NKAIN3: variants seen among roughly 807,000 people sequenced by gnomAD.
The protein encoded by NKAIN3 is sodium/potassium-transporting ATPase subunit beta-1-interacting protein 3.
NKAIN3 carries 25 observed loss-of-function variants against 30.2 expected under a neutral mutation model. The ratio of observed to expected loss-of-function variants is 0.83; its 90% CI spans 0.60 to 1.16. The LOEUF (loss-of-function observed/expected upper bound fraction) is 1.16, where lower values mean the gene tolerates loss of function less well. NKAIN3 is among the 50% of genes most tolerant of loss of function. The pLI, the probability that NKAIN3 is intolerant of heterozygous loss-of-function variation, is 0.00. For missense variants in NKAIN3, 225 were observed against 254.1 expected, an observed-to-expected ratio of 0.89 and a Z score of 0.78; for synonymous variants, 91 against 89.6, an observed-to-expected ratio of 1.02 and a Z score of -0.09.
intron 6 of NKAIN3, among the ~76,000 whole-genome samples, chr8:62,959,433 G>GGGGT (rs1554596787): frequency 3.3e-4 from 47 of 143,244 alleles, no homozygotes; most frequent in African/African-American, 1.2e-3. Context: ...GACAAATCAG[G>GGGGT]GTGTGTGTGT....
chr8:62,605,473 C>G lies in NKAIN3; in HGVS notation c.273+15679C>G, dbSNP rs183805668. ...TCTAGTATTTACTCGGTTCAAAGCA[C>G]TATACCAGGAACTAGGGCTACATTC... On this transcript the variant is annotated intron_variant, in intron 3 of 6. Transcript: ENST00000623646. Among the ~76,000 whole-genome samples, 493 of 151,876 alleles carry G rather than the reference C, an allele frequency of 3.2e-3. 2 individuals are homozygous for G. Among genetic ancestry groups the G allele is most frequent in the African/African-American group, 0.01 (428 of 41,428 alleles).
At position 62,983,491 on chromosome 8, in the gene NKAIN3, A is replaced by C. The variant is rs924204134; in HGVS notation, c.*18084A>C. On this transcript the variant is annotated 3_prime_UTR_variant, in exon 7 of 7. Transcript: ENST00000623646. Reference sequence around the variant, plus strand: ...TAGTGACCATCTGTCTTGTGCAAAAAGCTTGGGGAGTGATAAAAACAAATC... The same window carrying C: ...TAGTGACCATCTGTCTTGTGCAAAACGCTTGGGGAGTGATAAAAACAAATC... The C allele has an allele frequency of 6.6e-6, 1 of 152,212 alleles. No individual in the cohort carries two copies. The highest frequency in any genetic ancestry group is 6.5e-5 in the Admixed American group (1 of 15,282). The allele number at this position is 152,212 out of a possible 1,614,324, so 9.4% of individuals were successfully genotyped here. A position where few individuals can be genotyped will look rare whatever the true frequency, so the allele number is the denominator to read the frequency against.
At chr8:62,593,346 T>TAA (rs58525073) in intron 3 of NKAIN3, among the ~76,000 whole-genome samples, 3 of 151,104 alleles carry the variant, frequency 2.0e-5, no homozygotes, top group African/African-American at 7.3e-5. Context: ...AGTACATAAT[T>TAA]AAAAAAAAAT....
chr8:62,916,757 A>G (rs1214292433), intron 4 of NKAIN3, among the ~76,000 whole-genome samples: 2 of 152,104 alleles, frequency 1.3e-5, no homozygotes, highest in African/African-American at 2.4e-5. Flanking sequence ...CACTTCTCTC[A>G]CTGTTCCTCT....
At chr8:62,729,764 T>G (rs1354742949) in intron 3 of NKAIN3, among the ~76,000 whole-genome samples, 1 of 152,186 alleles carries the variant, frequency 6.6e-6, no homozygotes, top group African/African-American at 2.4e-5. Flanking sequence ...CCACTTCACA[T>G]AGCATGGATT....
At chr8:62,900,609 G>A (rs1299158705) in intron 4 of NKAIN3, among the ~76,000 whole-genome samples, 3 of 152,106 alleles carry the variant, frequency 2.0e-5, no homozygotes, top group Non-Finnish European at 4.4e-5. Flanking sequence ...GGAGATAGAA[G>A]GACTTAGTGA....
chr8:62,949,734 T>C (rs900053115), intron 5 of NKAIN3, among the ~76,000 whole-genome samples: 6 of 148,630 alleles, frequency 4.0e-5, no homozygotes, highest in South Asian at 2.2e-4. Context: ...TTTTTTTTTT[T>C]CTAAAATATA....
chr8:62,506,847 T>C (rs1485942549), intron 1 of NKAIN3, among the ~76,000 whole-genome samples: 1 of 152,142 alleles, frequency 6.6e-6, no homozygotes, highest in African/African-American at 2.4e-5. Flanking sequence ...AATTTGCTCC[T>C]TTACAGAGAA....
rs911756787 is a variant in NKAIN3 at position 62,992,113 on chromosome 8, G to A, written c.533-7118G>A. Among the ~76,000 whole-genome samples, 11 of 151,750 alleles carry A rather than the reference G, an allele frequency of 7.2e-5. No homozygotes were observed. In the South Asian group the frequency reaches 1.2e-3, roughly 17 times the overall value. On this transcript the variant is annotated intron_variant, in intron 5 of 5. Transcript: ENST00000519049. Reference sequence around the variant, plus strand: ...AGCACTCTGCAGCTTACATCTCCCAGGTTTAAGTGACCCTCCTGCCTCCCA... The same window carrying A: ...AGCACTCTGCAGCTTACATCTCCCAAGTTTAAGTGACCCTCCTGCCTCCCA...
In NKAIN3 at chr8:62,982,663, T is replaced by A. The variant is rs965072720; in HGVS notation, c.*17256T>A. Reference sequence around the variant, plus strand: ...AGTTCTCTAGAATTTTCCCCTTTGATAAATTTTCCTTTACCTAGCTGTTGC... The same window carrying A: ...AGTTCTCTAGAATTTTCCCCTTTGAAAAATTTTCCTTTACCTAGCTGTTGC... On this transcript the variant is annotated 3_prime_UTR_variant, in exon 7 of 7. Coordinates refer to ENST00000623646, the MANE Select transcript of NKAIN3 (RefSeq NM_001304533.3). 1.3e-5 allele frequency: 2 copies of A among 152,236 alleles called. No homozygotes were observed. Among genetic ancestry groups the A allele is most frequent in the Non-Finnish European group, 2.9e-5 (2 of 68,040 alleles). 9.4% of individuals were successfully genotyped at this position (152,236 alleles called of 1,614,324 possible).
chr8:62,433,780 G>A (rs912309715), intron 1 of NKAIN3, among the ~76,000 whole-genome samples: 2 of 152,096 alleles, frequency 1.3e-5, no homozygotes, highest in Non-Finnish European at 2.9e-5. Context: ...ATTAAGAGGA[G>A]TTGGAAACTT....
chr8:62,760,866 G>A (rs2130615962), intron 4 of NKAIN3, among the ~76,000 whole-genome samples: 1 of 152,236 alleles, frequency 6.6e-6, no homozygotes, highest in South Asian at 2.1e-4. Flanking sequence ...TTAAGGAAGA[G>A]AGTCAAAGAA....
At chr8:62,709,136 A>C (rs1442012545) in intron 3 of NKAIN3, among the ~76,000 whole-genome samples, 1 of 152,026 alleles carries the variant, frequency 6.6e-6, no homozygotes, top group African/African-American at 2.4e-5. Flanking sequence ...GTATTTTATT[A>C]AGGATTTTAG....
intron 1 of NKAIN3, among the ~76,000 whole-genome samples, chr8:62,503,567 G>C (rs755802147): frequency 6.6e-6 from 1 of 152,012 alleles, no homozygotes; most frequent in South Asian, 2.1e-4. Context: ...AGACCAGGGC[G>C]TATCTCAGTC....
intron 5 of NKAIN3, among the ~76,000 whole-genome samples, chr8:62,944,098 C>G (rs181069048): frequency 2.3e-3 from 346 of 152,118 alleles, no homozygotes; most frequent in African/African-American, 7.6e-3. Context: ...TCTCAGAAAT[C>G]ATCACTAAAG....
At chr8:62,557,214 C>T (rs533323786) in intron 1 of NKAIN3, among the ~76,000 whole-genome samples, 1 of 152,186 alleles carries the variant, frequency 6.6e-6, no homozygotes, top group East Asian at 1.9e-4. Context: ...CCAGTCTCAT[C>T]CAGGTTGCTG....
At chr8:62,269,772 G>T (rs1812723814) in intron 1 of NKAIN3, among the ~76,000 whole-genome samples, 1 of 151,914 alleles carries the variant, frequency 6.6e-6, no homozygotes, top group South Asian at 2.1e-4. Context: ...GACTTGTGTG[G>T]CATTTGATAA....
chr8:62,959,250 T>C (rs534096929), intron 6 of NKAIN3, among the ~76,000 whole-genome samples: 3 of 152,186 alleles, frequency 2.0e-5, no homozygotes, highest in Non-Finnish European at 4.4e-5. Context: ...TCTCTGACAA[T>C]CCGGGTACAC....
Position 62,981,823 on chromosome 8 carries a change from A to G in NKAIN3, c.*16416A>G, listed in dbSNP as rs758301440. ...ATACTCTAAAACTCCTGAGTTTTAC[A>G]TGTACCCTAAAACTTAAAGTATAGT... On this transcript the variant is annotated 3_prime_UTR_variant, in exon 7 of 7. Transcript: ENST00000623646. The G allele has an allele frequency of 6.6e-6, 1 of 152,004 alleles. No individual in the cohort carries two copies. Among genetic ancestry groups the G allele is most frequent in the African/African-American group, 2.4e-5 (1 of 41,396 alleles). The allele number at this position is 152,004 out of a possible 1,614,324, so 9.4% of individuals were successfully genotyped here.
Sources: allele counts gnomAD v4.1 joint callset (sites outside exome capture counted in the v4.1 genomes callset), GRCh38; gene constraint gnomAD v4.1.1; transcripts MANE v1.5; gene names NCBI Gene and HGNC (gene_info 2026-07-23, HGNC 2026-07-21).